IWS1: variants seen among roughly 807,000 people sequenced by gnomAD.
IWS1 encodes protein IWS1 homolog.
Under a neutral mutation model 86.7 loss-of-function variants are expected in IWS1, and 27 were observed. That is an observed-to-expected ratio of 0.31 (90% CI 0.23 to 0.43). The LOEUF is 0.43. IWS1 is among the 20% of genes least tolerant of loss of function. The pLI is 1.00. For missense variants in IWS1, 827 were observed against 1,000.8 expected, an observed-to-expected ratio of 0.83 and a Z score of 2.34; for synonymous variants, 313 against 335.1, an observed-to-expected ratio of 0.93 and a Z score of 0.72.
At chr2:127,492,204 G>A (rs1027403661) in intron 9 of IWS1, 116 bp from the exon 10 acceptor site, 19 of 668,560 alleles carry the variant, frequency 2.8e-5, no homozygotes, top group Admixed American at 1.2e-4. Flanking sequence ...TCCATTTTCA[G>A]GATCTACAGA....
chr2:127,494,657 C>CAAA lies in IWS1; in HGVS notation c.1799+214_1799+215insTTT, dbSNP rs1690419912. On this transcript the variant is annotated intron_variant, in intron 8 of 13. Transcript: ENST00000295321. ...ATTAGTAGTTTCCAAGTTTTTCTTT[C>CAAA]GTTAGTATCAATTTTTTATTTGTTC... The CAAA allele has an allele frequency of 2.4e-4, 87 of 360,364 alleles. 1 individual carries two copies. In the East Asian group the frequency reaches 3.8e-3, roughly 16 times the overall value. 22.3% of individuals were successfully genotyped at this position (360,364 alleles called of 1,614,324 possible).
At chr2:127,526,893 C>T (rs911849016), upstream of IWS1, 19 of 331,282 alleles carry the variant, frequency 5.7e-5, 1 homozygote, top group East Asian at 2.4e-4. Flanking sequence ...GTATGACGCC[C>T]GCGAGCTGTG....
In IWS1 at chr2:127,511,785, C is replaced by G. The variant is rs181454685; in HGVS notation, c.151-6033G>C. On this transcript the variant is annotated intron_variant, in intron 2 of 13. Transcript: ENST00000295321. ...CATTAAACATTATTAGAATCAAAGA[C>G]AAAGACTGAAAACTAAAACAGGAAA... Among the ~76,000 whole-genome samples, 192 of 152,224 alleles carry G rather than the reference C, an allele frequency of 1.3e-3. 1 individual carries two copies. The highest frequency in any genetic ancestry group is 4.3e-3 in the African/African-American group (179 of 41,534).
At chr2:127,506,145 A>G (rs1558759508) in intron 2 of IWS1, among the ~76,000 whole-genome samples, 1 of 152,178 alleles carries the variant, frequency 6.6e-6, no homozygotes, top group Non-Finnish European at 1.5e-5. Flanking sequence ...GAGGTGGTGG[A>G]TCACCTGAGG....
chr2:127,482,108 A>T (rs965222834), intron 13 of IWS1: 3 of 152,240 alleles, frequency 2.0e-5, no homozygotes, highest in African/African-American at 7.2e-5. Flanking sequence ...GACTGCTTAA[A>T]AAGAGATGGG....
chr2:127,487,596 G>A (rs981578024), intron 12 of IWS1, among the ~76,000 whole-genome samples: 1 of 152,156 alleles, frequency 6.6e-6, no homozygotes, highest in Non-Finnish European at 1.5e-5. Flanking sequence ...TGTTGCCCGG[G>A]CTAGAGTGCA....
At chr2:127,527,160 A>C (rs935635000), upstream of IWS1, among the ~76,000 whole-genome samples, 3 of 152,186 alleles carry the variant, frequency 2.0e-5, no homozygotes, top group African/African-American at 7.2e-5. Context: ...GGAACGGCAC[A>C]CTGTAAAGAA....
chr2:127,507,019 C>T (rs1320168436), intron 2 of IWS1, among the ~76,000 whole-genome samples: 1 of 152,130 alleles, frequency 6.6e-6, no homozygotes, highest in Non-Finnish European at 1.5e-5. Flanking sequence ...TGAGTATACC[C>T]TCTTAAAAAT....
At position 127,499,385 on chromosome 2, in the gene IWS1, C is replaced by G. The variant is rs940803892; in HGVS notation, c.1468-1148G>C. Among the ~76,000 whole-genome samples, 2 of 152,116 alleles carry G rather than the reference C, an allele frequency of 1.3e-5. No homozygotes were observed. Among genetic ancestry groups the G allele is most frequent in the African/African-American group, 4.8e-5 (2 of 41,422 alleles). ...GATTACAGGCGTGAGCCACCGCGCC[C>G]GGCCAATTTTTCATTTTTATGTAAA... On this transcript the variant is annotated intron_variant, in intron 5 of 13. Coordinates refer to ENST00000295321, the MANE Select transcript of IWS1 (RefSeq NM_017969.3). This position sits in a 1 kb window ranked among gnomAD's most constrained non-coding sequence, Gnocchi z 4.0.
chr2:127,526,863 G>T, upstream of IWS1: 1 of 378,516 alleles, frequency 2.6e-6, no homozygotes, highest in Non-Finnish European at 5.1e-6. Context: ...GAAAGCGGGC[G>T]TTGCTCACTG....
Position 127,524,624 on chromosome 2 carries a change from C to G in IWS1, c.35-833G>C, listed in dbSNP as rs151317953. On this transcript the variant is annotated intron_variant, in intron 1 of 13. Transcript: ENST00000295321. ...TGTGATCTCAGCTCACTGCAACCTC[C>G]ACCCCCCCGGGTTCAACAAGTGATT... 9.5e-3 allele frequency among the ~76,000 whole-genome samples: 1,435 copies of G among 151,470 alleles called. 16 individuals carry two copies. The highest frequency in any genetic ancestry group is 0.033 in the African/African-American group (1,362 of 41,294).
chr2:127,485,350 A>T (rs966345669), intron 13 of IWS1, among the ~76,000 whole-genome samples: 1 of 152,216 alleles, frequency 6.6e-6, no homozygotes, highest in Admixed American at 6.5e-5. Context: ...GTCTCAAAGC[A>T]TAGTGGATCA....
At chr2:127,516,578 CAT>C (rs1691788180) in intron 2 of IWS1, among the ~76,000 whole-genome samples, 2 of 152,098 alleles carry the variant, frequency 1.3e-5, no homozygotes, top group Non-Finnish European at 2.9e-5. Context: ...GCCTGGGCAA[CAT>C]AGCAAAATCC....
At chr2:127,493,099 TG>T in intron 9 of IWS1, 181 bp downstream of exon 9, 1 of 467,580 alleles carries the variant, frequency 2.1e-6, no homozygotes, top group Non-Finnish European at 3.6e-6. Flanking sequence ...GATAGTTACA[TG>T]AAGTTTTATA....
At chr2:127,526,596 C>T (rs762787398), upstream of IWS1, 8 of 1,370,344 alleles carry the variant, frequency 5.8e-6, no homozygotes, top group South Asian at 9.8e-5. Context: ...AAGGAGACTC[C>T]TGGGAAAATT....
intron 2 of IWS1, among the ~76,000 whole-genome samples, chr2:127,507,267 T>C (rs1047536620): frequency 2.0e-5 from 3 of 152,196 alleles, no homozygotes; most frequent in Non-Finnish European, 2.9e-5. Flanking sequence ...AAAAAGAATA[T>C]GAAAAATTAT....
Position 127,489,387 on chromosome 2 carries a change from C to T in IWS1, c.2160-152G>A, listed in dbSNP as rs554080199. 3.2e-6 allele frequency: 2 copies of T among 619,382 alleles called. No homozygotes were observed. The highest frequency in any genetic ancestry group is 1.9e-5 in the African/African-American group (1 of 53,872). The allele number at this position is 619,382 out of a possible 1,614,324, so 38.4% of individuals were successfully genotyped here. A position where few individuals can be genotyped will look rare whatever the true frequency, so the allele number is the denominator to read the frequency against. On this transcript the variant is annotated intron_variant, in intron 11 of 13. Transcript: ENST00000295321. This position sits in a 1 kb window ranked among gnomAD's most constrained non-coding sequence, Gnocchi z 4.8. Reference sequence around the variant, plus strand: ...AATTCCTAATCTTTAAAAAGTACTACTCATTTTAGTATTCATTTGCATAAC... The same window carrying T: ...AATTCCTAATCTTTAAAAAGTACTATTCATTTTAGTATTCATTTGCATAAC...
chr2:127,482,816 T>G (rs1689702335), intron 13 of IWS1: 1 of 152,188 alleles, frequency 6.6e-6, no homozygotes, highest in Non-Finnish European at 1.5e-5. Context: ...ATCTCTCTCC[T>G]GATTCATCAA....
intron 13 of IWS1, 51 bp from the exon 14 acceptor site, chr2:127,481,226 A>T: frequency 6.5e-7 from 1 of 1,532,234 alleles, no homozygotes; most frequent in East Asian, 2.3e-5. Context: ...ACGTAAGTCT[A>T]GTTATGTCTT....
Sources: gnomAD v4.1 joint callset for allele counts (sites outside exome capture counted in the v4.1 genomes callset) on GRCh38, gnomAD v4.1.1 for gene constraint, Gnocchi (gnomAD v3.1) non-coding constraint, MANE v1.5 for transcripts, NCBI Gene and HGNC (gene_info 2026-07-23, HGNC 2026-07-21) for gene names.